The following CELF2 variants were observed in gnomAD, a reference collection of about 807,000 sequenced individuals.
CELF2 encodes CUG triplet repeat RNA-binding protein 2.
Under a neutral mutation model 62.6 loss-of-function variants are expected in CELF2, and 8 were observed. That is an observed-to-expected ratio of 0.13 (90% CI 0.07 to 0.23). CELF2 has a LOEUF of 0.23. Among genes scored for constraint, CELF2 ranks in the 10% least tolerant of loss-of-function variants. The pLI, the probability that CELF2 is intolerant of heterozygous loss-of-function variation, is 1.00. For synonymous variants in CELF2, 258 were observed against 250.0 expected (o/e 1.03, Z -0.30); for missense variants, 333 against 671.0 (o/e 0.50, Z 5.56).
At chr10:10,777,372 G>A in the CELF2 span, among the ~76,000 whole-genome samples, 1 of 152,078 alleles carries the variant, frequency 6.6e-6, no homozygotes, top group Non-Finnish European at 1.5e-5. Flanking sequence ...TCTTGTCAAG[G>A]CAGCTTCTCC....
intron 2 of CELF2, among the ~76,000 whole-genome samples, chr10:11,208,517 G>A (rs533819935): frequency 2.0e-5 from 3 of 152,328 alleles, no homozygotes; most frequent in South Asian, 2.1e-4. Flanking sequence ...CACTCGGCAA[G>A]GCCTGCCTGT....
intron 1 of CELF2, among the ~76,000 whole-genome samples, chr10:10,883,027 T>C (rs1283828530): frequency 2.0e-5 from 3 of 152,234 alleles, no homozygotes; most frequent in Non-Finnish European, 4.4e-5. Flanking sequence ...TCCACACTTA[T>C]TAATTAAGAT....
the CELF2 span, among the ~76,000 whole-genome samples, chr10:10,492,417 A>T: frequency 3.9e-5 from 6 of 152,318 alleles, no homozygotes; most frequent in African/African-American, 1.4e-4. Context: ...ATATGTAACA[A>T]ACCTGCACGT....
chr10:10,464,554 CCAATAGAT>C, the CELF2 span, among the ~76,000 whole-genome samples: 1 of 152,036 alleles, frequency 6.6e-6, no homozygotes, highest in African/African-American at 2.4e-5. Context: ...AAAACAAAGG[CCAATAGAT>C]CTTTGAAAAT....
chr10:11,035,776 A>G (rs1764979842), intron 1 of CELF2, among the ~76,000 whole-genome samples: 1 of 152,192 alleles, frequency 6.6e-6, no homozygotes. Context: ...TCTGAGTCTC[A>G]ATGGACCATG....
At chr10:10,495,673 C>G in the CELF2 span, among the ~76,000 whole-genome samples, 3 of 152,194 alleles carry the variant, frequency 2.0e-5, no homozygotes, top group African/African-American at 7.2e-5. Context: ...CTGCTGCCAT[C>G]CATCAGTACT....
chr10:10,534,851 A>G, the CELF2 span, among the ~76,000 whole-genome samples: 20 of 152,382 alleles, frequency 1.3e-4, no homozygotes, highest in Non-Finnish European at 2.6e-4. Flanking sequence ...AGGATTAGGC[A>G]TAAAGTAGAC....
At chr10:10,729,828 T>C in the CELF2 span, among the ~76,000 whole-genome samples, 2 of 152,148 alleles carry the variant, frequency 1.3e-5, no homozygotes, top group Non-Finnish European at 2.9e-5. Context: ...CATGTAGCAC[T>C]GTAACTTGTA....
intron 4 of CELF2, 80 bp downstream of exon 4, chr10:11,249,281 C>T (rs562901109): frequency 4.8e-5 from 55 of 1,149,592 alleles, no homozygotes; most frequent in Admixed American, 2.7e-4. Context: ...CGGGAGAAGC[C>T]GGCCCAGCTG....
At chr10:10,680,008 C>G in the CELF2 span, among the ~76,000 whole-genome samples, 2 of 151,924 alleles carry the variant, frequency 1.3e-5, no homozygotes, top group Non-Finnish European at 2.9e-5. Flanking sequence ...TGTATATTTA[C>G]GGGTTAAAGA....
intron 1 of CELF2, among the ~76,000 whole-genome samples, chr10:10,908,789 T>C (rs909041291): frequency 2.6e-5 from 4 of 152,046 alleles, no homozygotes; most frequent in Non-Finnish European, 5.9e-5. Flanking sequence ...GGTACTTTTG[T>C]TTGTTTGTTT....
At chr10:11,257,941 G>A (rs1303063815) in intron 5 of CELF2, 69 bp downstream of exon 5, 13 of 1,580,868 alleles carry the variant, frequency 8.2e-6, no homozygotes, top group Non-Finnish European at 1.1e-5. Context: ...AGTCGAGACA[G>A]ATGTAGGCAC....
the CELF2 span, among the ~76,000 whole-genome samples, chr10:10,791,715 TC>T: frequency 6.6e-6 from 1 of 152,186 alleles, no homozygotes; most frequent in Non-Finnish European, 1.5e-5. Flanking sequence ...TTATCACGGC[TC>T]CCCAGGGTAT....
At chr10:10,508,839 C>G in the CELF2 span, among the ~76,000 whole-genome samples, 1 of 152,002 alleles carries the variant, frequency 6.6e-6, no homozygotes, top group South Asian at 2.1e-4. Flanking sequence ...CCATGCCCAG[C>G]TAATTTTTGT....
chr10:10,931,990 C>T lies in CELF2; in HGVS notation c.89+11991C>T, dbSNP rs1408665563. Among the ~76,000 whole-genome samples, 1 of 152,120 alleles carries T rather than the reference C, an allele frequency of 6.6e-6. No individual in the cohort carries two copies. Among genetic ancestry groups the T allele is most frequent in the Non-Finnish European group, 1.5e-5 (1 of 68,020 alleles). ...TGAGTCTTATTCACTATCATGAGAA[C>T]AGCATGGGAAAGACCTGCCCCCATG... On this transcript the variant is annotated intron_variant, in intron 2 of 13. Transcript: ENST00000636488. The surrounding 1 kb of genome is among the most constrained non-coding windows in gnomAD (Gnocchi z 6.1).
At chr10:10,951,557 G>GGCTCCATGCCATTTT (rs1386763390) in intron 2 of CELF2, among the ~76,000 whole-genome samples, 1 of 152,216 alleles carries the variant, frequency 6.6e-6, no homozygotes, top group East Asian at 1.9e-4. Flanking sequence ...GGCTGAGGAT[G>GGCTCCATGCCATTTT]GCTCCATGCC....
At chr10:10,868,900 A>T (rs1378486690) in intron 1 of CELF2, among the ~76,000 whole-genome samples, 2 of 152,188 alleles carry the variant, frequency 1.3e-5, no homozygotes, top group Non-Finnish European at 2.9e-5. Context: ...TTTAGTTTTG[A>T]TGCTAATTTC....
At chr10:11,007,635 C>T (rs1421369247) in intron 1 of CELF2, among the ~76,000 whole-genome samples, 1 of 152,144 alleles carries the variant, frequency 6.6e-6, no homozygotes. Context: ...TAACTGCTTT[C>T]AAGATGGGCT....
chr10:10,710,579 A>C, the CELF2 span, among the ~76,000 whole-genome samples: 5 of 152,342 alleles, frequency 3.3e-5, no homozygotes, highest in South Asian at 1.0e-3. Flanking sequence ...GGTGAAAATC[A>C]ATTGCCCTGG....
Sources: gnomAD v4.1 joint callset for allele counts (sites outside exome capture counted in the v4.1 genomes callset) on GRCh38, gnomAD v4.1.1 for gene constraint, Gnocchi (gnomAD v3.1) non-coding constraint, MANE v1.5 for transcripts, NCBI Gene and HGNC (gene_info 2026-07-23, HGNC 2026-07-21) for gene names.